DTWD2: variants seen among roughly 807,000 people sequenced by gnomAD.
The protein encoded by DTWD2 is tRNA-uridine aminocarboxypropyltransferase 2.
Under a neutral mutation model 31.8 loss-of-function variants are expected in DTWD2, and 39 were observed. That is an observed-to-expected ratio of 1.22 (90% CI 0.95 to 1.60). The LOEUF is 1.60. Ranked by LOEUF, DTWD2 falls within the 40% of genes most tolerant of loss-of-function variation. The pLI is 0.00. For missense variants in DTWD2, 515 were observed against 381.5 expected (o/e 1.35, Z -2.92); for synonymous variants, 180 against 142.8 (o/e 1.26, Z -1.86).
chr5:118,911,941 G>T (rs1753467153), intron 4 of DTWD2, among the ~76,000 whole-genome samples: 1 of 152,132 alleles, frequency 6.6e-6, no homozygotes, highest in Non-Finnish European at 1.5e-5. Flanking sequence ...CAAAACAAGG[G>T]GGCAAAGGAA....
intron 3 of DTWD2, among the ~76,000 whole-genome samples, chr5:118,938,507 T>C (rs1006286561): frequency 6.6e-6 from 1 of 152,164 alleles, no homozygotes; most frequent in East Asian, 1.9e-4. Flanking sequence ...AATTACCACA[T>C]TTATATTAAT....
At chr5:118,958,432 A>T (rs1387283850) in intron 1 of DTWD2, among the ~76,000 whole-genome samples, 2 of 151,936 alleles carry the variant, frequency 1.3e-5, no homozygotes, top group African/African-American at 2.4e-5. Flanking sequence ...CACTCCAGCC[A>T]GGGCAACAAA....
chr5:118,939,142 T>G, intron 3 of DTWD2, 54 bp downstream of exon 3: 1 of 1,512,552 alleles, frequency 6.6e-7, no homozygotes, highest in Non-Finnish European at 8.9e-7. Context: ...AGAAACCATT[T>G]TTTAAGATCT....
chr5:118,918,465 T>C (rs559869780), intron 4 of DTWD2, among the ~76,000 whole-genome samples: 4 of 144,032 alleles, frequency 2.8e-5, no homozygotes, highest in Admixed American at 2.7e-4. Flanking sequence ...TGAGACTCCG[T>C]CTCAAGAGAA....
Position 118,841,038 on chromosome 5 carries a change from C to G in DTWD2, c.776G>C (p.Gly259Ala). 1 of 1,613,406 alleles carries G rather than the reference C, an allele frequency of 6.2e-7. No individual in the cohort carries two copies. Residue 259 changes from glycine (G) to alanine (A), a missense_variant, in exon 6 of 6, where the codon GGT becomes GCT. By Grantham distance (60) the Gly-to-Ala change is moderately conservative (BLOSUM62 0). Coordinates refer to ENST00000510708, the MANE Select transcript of DTWD2 (RefSeq NM_173666.4). ...QALCSFQLQH[G>A]AQIRLSKEHL... ...TTCCTTGCTGAGGCGAATTTGGGCA[C>G]CATGCTGAAGTTGAAAGGAGCATAA...
At chr5:118,937,978 T>C (rs1754083032) in intron 3 of DTWD2, among the ~76,000 whole-genome samples, 1 of 140,772 alleles carries the variant, frequency 7.1e-6, no homozygotes, top group South Asian at 2.3e-4. Flanking sequence ...TAAATTTAAT[T>C]AGCTTGATTG....
At chr5:118,898,546 C>G (rs959333107) in intron 4 of DTWD2, among the ~76,000 whole-genome samples, 7 of 150,864 alleles carry the variant, frequency 4.6e-5, no homozygotes. Context: ...GTAATCTCAA[C>G]TTCTCAGGAG....
At chr5:118,926,576 G>GA (rs1753813159) in intron 4 of DTWD2, among the ~76,000 whole-genome samples, 1 of 152,144 alleles carries the variant, frequency 6.6e-6, no homozygotes, top group Non-Finnish European at 1.5e-5. Flanking sequence ...TCCATGGGTA[G>GA]AAAGAAATCA....
At chr5:118,950,145 G>A (rs1186396230) in intron 1 of DTWD2, among the ~76,000 whole-genome samples, 1 of 132,020 alleles carries the variant, frequency 7.6e-6, no homozygotes, top group Non-Finnish European at 1.5e-5. Flanking sequence ...AGGAGACGGA[G>A]CTTGTATTAT....
At chr5:118,970,237 G>C (rs1486923792) in intron 1 of DTWD2, among the ~76,000 whole-genome samples, 2 of 152,154 alleles carry the variant, frequency 1.3e-5, no homozygotes, top group Non-Finnish European at 2.9e-5. Flanking sequence ...GACCAGCCTG[G>C]CCAACATGGC....
At chr5:118,985,649 A>G (rs563036225) in intron 1 of DTWD2, among the ~76,000 whole-genome samples, 2 of 151,800 alleles carry the variant, frequency 1.3e-5, no homozygotes, top group East Asian at 3.9e-4. Context: ...CTCTTACTCC[A>G]CGACGGCCTA....
intron 4 of DTWD2, among the ~76,000 whole-genome samples, chr5:118,879,379 G>T (rs1384976237): frequency 1.3e-5 from 2 of 152,096 alleles, no homozygotes. Context: ...GGCTGATATT[G>T]GGCCTTTGAC....
intron 1 of DTWD2, among the ~76,000 whole-genome samples, chr5:118,969,382 G>T (rs936091180): frequency 6.6e-6 from 1 of 152,182 alleles, no homozygotes; most frequent in Non-Finnish European, 1.5e-5. Flanking sequence ...GACTGGGTGA[G>T]AACTCCCAGT....
intron 1 of DTWD2, among the ~76,000 whole-genome samples, chr5:118,947,561 TTCTC>T (rs2149587386): frequency 6.6e-6 from 1 of 152,276 alleles, no homozygotes; most frequent in African/African-American, 2.4e-5. Flanking sequence ...TCCCCTTCTC[TTCTC>T]TCTGCCAGTA....
intron 4 of DTWD2, among the ~76,000 whole-genome samples, chr5:118,869,844 T>C (rs996826863): frequency 1.3e-5 from 2 of 152,188 alleles, no homozygotes; most frequent in Non-Finnish European, 2.9e-5. Flanking sequence ...CTGAAATGTC[T>C]CATGCTCCAA....
intron 4 of DTWD2, among the ~76,000 whole-genome samples, chr5:118,896,448 T>C (rs891394008): frequency 4.9e-4 from 71 of 144,524 alleles, no homozygotes; most frequent in African/African-American, 2.0e-3. Flanking sequence ...CTAGAACATA[T>C]ACTCTCTGAG....
At chr5:118,968,167 A>G (rs1187572645) in intron 1 of DTWD2, among the ~76,000 whole-genome samples, 1 of 152,028 alleles carries the variant, frequency 6.6e-6, no homozygotes, top group African/African-American at 2.4e-5. Flanking sequence ...AAAATAACTG[A>G]CCAGTATTCT....
intron 2 of DTWD2, among the ~76,000 whole-genome samples, chr5:118,940,162 G>T (rs933886338): frequency 3.9e-5 from 6 of 152,138 alleles, no homozygotes; most frequent in Non-Finnish European, 7.3e-5. Flanking sequence ...GTTGACTGTC[G>T]TCAGTGGTTT....
Position 118,840,938 on chromosome 5 carries a change from T to C in DTWD2, c.876A>G (p.Leu292=). Residue 292 remains leucine (L), a synonymous_variant, in exon 6 of 6, where the codon TTA becomes TTG. Coordinates refer to ENST00000510708, the MANE Select transcript of DTWD2 (RefSeq NM_173666.4). ...TGTACTAAATTTTAACACTATTCAT[T>C]AACAATTCCATTTTCCTGAGTTTGC... ...NKRKLRKMEL[L]MNSVKI 6.2e-7 allele frequency: 1 copy of C among 1,613,618 alleles called. No homozygotes were observed. Among genetic ancestry groups the C allele is most frequent in the Non-Finnish European group, 8.5e-7 (1 of 1,179,698 alleles).
Sources: allele counts gnomAD v4.1 joint callset (sites outside exome capture counted in the v4.1 genomes callset), GRCh38; gene constraint gnomAD v4.1.1; transcripts MANE v1.5; gene names NCBI Gene and HGNC (gene_info 2026-07-23, HGNC 2026-07-21).